Variants in PRKDC observed in about 807,000 individuals in gnomAD.
PRKDC encodes protein kinase, DNA-activated, catalytic subunit.
PRKDC carries 82 observed loss-of-function variants against 486.9 expected under a neutral mutation model. That is an observed-to-expected ratio of 0.17 (90% CI 0.14 to 0.20). The LOEUF (loss-of-function observed/expected upper bound fraction) is 0.20. Ranked by LOEUF, PRKDC falls within the 10% of genes least tolerant of loss-of-function variation. The pLI is 1.00. For missense variants in PRKDC, 4,504 were observed against 5,038.2 expected, an observed-to-expected ratio of 0.89 and a Z score of 3.21; for synonymous variants, 1,895 against 1,837.0, an observed-to-expected ratio of 1.03 and a Z score of -0.81.
In PRKDC at chr8:47,960,109, G is replaced by T; in HGVS notation, c.18C>A (p.Ala6=). The T allele has an allele frequency of 4.0e-6, 6 of 1,507,606 alleles. No homozygotes were observed. Among genetic ancestry groups the T allele is most frequent in the South Asian group, 1.2e-5 (1 of 81,904 alleles). The allele number at this position is 1,507,606 out of a possible 1,614,324, so 93.4% of individuals were successfully genotyped here. The change falls in exon 1 of 86, where the codon GCC becomes GCA. Residue 6 remains alanine (A), a synonymous_variant. Coordinates refer to ENST00000314191, the MANE Select transcript of PRKDC (RefSeq NM_006904.7). MAGSG[A]GVRCSLLRLQ... ...GCCGCAGCAGGGAGCAACGCACACC[G>T]GCTCCGGAGCCCGCCATGCCGCCGA...
rs757686230 is a variant in PRKDC, at chr8:47,820,812, A to G, written c.9243T>C (p.His3081=). The change falls in exon 66 of 86, where the codon CAT becomes CAC. Residue 3081 remains histidine (H), a synonymous_variant. Transcript: ENST00000314191. ...AAAGCAGACTCAGCTCTTGACTGTA[A>G]TGAAGCTCTAGAATCGCCTTCTGGA... ...GELQKAILEL[H]YSQELSLLYL... 2.5e-6 allele frequency: 4 copies of G among 1,613,474 alleles called. No individual in the cohort carries two copies. Among genetic ancestry groups the G allele is most frequent in the Non-Finnish European group, 3.4e-6 (4 of 1,179,578 alleles).
At chr8:47,820,140 C>T (rs1317200136) in intron 66 of PRKDC, among the ~76,000 whole-genome samples, 2 of 152,144 alleles carry the variant, frequency 1.3e-5, no homozygotes, top group African/African-American at 2.4e-5. Context: ...TGGTCAGGAG[C>T]GTTGGCTCAC....
At chr8:47,933,249 T>C (rs2090288307) in intron 15 of PRKDC, 77 bp from the exon 16 acceptor site, 6 of 1,164,906 alleles carry the variant, frequency 5.2e-6, no homozygotes, top group Non-Finnish European at 5.8e-6. Context: ...TTAAGACACA[T>C]ACACAGATGT....
At chr8:47,835,095 C>T (rs903793528) in intron 58 of PRKDC, among the ~76,000 whole-genome samples, 2 of 152,032 alleles carry the variant, frequency 1.3e-5, no homozygotes, top group African/African-American at 2.4e-5. Flanking sequence ...AAAGGAGAAA[C>T]GTTAAAGAGT....
Position 47,960,114 on chromosome 8 carries a change from C to G in PRKDC, c.13G>C (p.Gly5Arg). The stretch of plus-strand genomic sequence containing the variant: ...AGCAGGGAGCAACGCACACCGGCTC[C>G]GGAGCCCGCCATGCCGCCGAGTCCC... The part of the protein sequence containing the change: MAGS[G>R]AGVRCSLLRL... Residue 5 changes from glycine to arginine, a missense_variant, in exon 1 of 86, where the codon GGA (glycine) becomes CGA (arginine). Gly to Arg is a moderately radical substitution (Grantham distance 125, BLOSUM62 -2). Around this residue, in one of 6 missense-constraint regions of PRKDC, gnomAD observed 145 missense variants for 136.3 expected, o/e 1.06. Coordinates refer to ENST00000314191, the MANE Select transcript of PRKDC (RefSeq NM_006904.7). The G allele has an allele frequency of 6.7e-7, 1 of 1,502,986 alleles. No individual in the cohort carries two copies. Among genetic ancestry groups the G allele is most frequent in the South Asian group, 1.2e-5 (1 of 81,460 alleles). 93.1% of individuals were successfully genotyped at this position (1,502,986 alleles called of 1,614,324 possible).
intron 54 of PRKDC, among the ~76,000 whole-genome samples, chr8:47,847,685 C>A (rs1173144988): frequency 6.6e-6 from 1 of 152,046 alleles, no homozygotes; most frequent in African/African-American, 2.4e-5. Context: ...GCAAGAGATA[C>A]TATCAAGAGG....
intron 4 of PRKDC, among the ~76,000 whole-genome samples, chr8:47,954,782 A>T (rs539485839): frequency 7.2e-5 from 11 of 152,236 alleles, no homozygotes; most frequent in African/African-American, 2.2e-4. Context: ...GAGCAACCAG[A>T]AACAAAGGAA....
rs745934678 is a variant in PRKDC, at chr8:47,837,270, A to G, written c.7703T>C (p.Met2568Thr). The G allele has an allele frequency of 1.9e-6, 3 of 1,613,836 alleles. No individual in the cohort carries two copies. The highest frequency in any genetic ancestry group is 2.2e-5 in the East Asian group (1 of 44,892). The stretch of plus-strand genomic sequence containing the variant: ...CATGGGGTTTGGATAATCTGGGCTC[A>G]TGCTGGTCATTTCGAGCAGAAAATT... ...ATNFLLEMTSMSPDYPNPMFE... is the reference protein window; with the variant it reads ...ATNFLLEMTSTSPDYPNPMFE... The change falls in exon 57 of 86, where the codon ATG becomes ACG. Residue 2568 changes from methionine (M) to threonine (T), a missense_variant. Coordinates refer to ENST00000314191, the MANE Select transcript of PRKDC (RefSeq NM_006904.7).
intron 74 of PRKDC, 146 bp downstream of exon 74, chr8:47,794,144 T>C (rs1009339953): frequency 5.9e-6 from 4 of 672,628 alleles, no homozygotes; most frequent in African/African-American, 5.4e-5. Flanking sequence ...AGAATAGATA[T>C]ATTCAACAAA....
At chr8:47,959,883 T>C in intron 1 of PRKDC, 90 bp downstream of exon 1, 2 of 1,491,068 alleles carry the variant, frequency 1.3e-6, no homozygotes, top group South Asian at 1.3e-5. Flanking sequence ...AATACCGTCA[T>C]CTAAACACAG....
At position 47,859,770 on chromosome 8, in the gene PRKDC, A is replaced by G; in HGVS notation, c.6059-11T>C. 6.3e-7 allele frequency: 1 copy of G among 1,599,754 alleles called. No individual in the cohort carries two copies. The highest frequency in any genetic ancestry group is 1.1e-5 in the South Asian group (1 of 89,908). ...TATAGGAAGGACCATCTGAAATATA[A>G]AAAAGGAGAAAATTACATGTATTCA... On this transcript the variant is annotated splice_polypyrimidine_tract_variant and intron_variant, in intron 45 of 85. Coordinates refer to ENST00000314191, the MANE Select transcript of PRKDC (RefSeq NM_006904.7).
At chr8:47,893,991 G>C (rs1372493549) in intron 30 of PRKDC, among the ~76,000 whole-genome samples, 2 of 152,120 alleles carry the variant, frequency 1.3e-5, no homozygotes, top group African/African-American at 4.8e-5. Context: ...ATTAAAAACA[G>C]AACATTCAGC....
chr8:47,957,153 A>C lies in PRKDC; in HGVS notation c.324+18T>G. On this transcript the variant is annotated intron_variant, in intron 3 of 85. Coordinates refer to ENST00000314191, the MANE Select transcript of PRKDC (RefSeq NM_006904.7). ...ATGTTGATATATAATGTAATAAGGT[A>C]TGTTTTTTAATTCTTACCTTAATTT... The C allele has an allele frequency of 1.4e-6, 2 of 1,481,014 alleles. No individual in the cohort carries two copies. The highest frequency in any genetic ancestry group is 1.9e-6 in the Non-Finnish European group (2 of 1,069,076). The allele number at this position is 1,481,014 out of a possible 1,614,324, so 91.7% of individuals were successfully genotyped here. A position where few individuals can be genotyped will look rare whatever the true frequency, so the allele number is the denominator to read the frequency against.
chr8:47,904,277 CAG>C (rs753684952), intron 26 of PRKDC, among the ~76,000 whole-genome samples: 8 of 152,106 alleles, frequency 5.3e-5, no homozygotes, highest in Non-Finnish European at 1.2e-4. Flanking sequence ...GTTTTTGAGA[CAG>C]AGTCTCACTC....
chr8:47,882,134 A>T, intron 36 of PRKDC, 37 bp from the exon 37 acceptor site: 1 of 1,564,714 alleles, frequency 6.4e-7, no homozygotes, highest in Non-Finnish European at 8.7e-7. Flanking sequence ...AAAAATTCTT[A>T]ATTTTGAGAA....
At chr8:47,838,694 TCAGGA>T (rs2088079326) in intron 56 of PRKDC, among the ~76,000 whole-genome samples, 1 of 152,222 alleles carries the variant, frequency 6.6e-6, no homozygotes, top group Admixed American at 6.5e-5. Flanking sequence ...ACTGACTTAC[TCAGGA>T]CAGGCATTTT....
chr8:47,941,964 C>G (rs8178014), intron 10 of PRKDC, among the ~76,000 whole-genome samples: 1 of 152,216 alleles, frequency 6.6e-6, no homozygotes, highest in Admixed American at 6.5e-5. Context: ...AGACAACCAG[C>G]GCAGTGGAGG....
At chr8:47,885,863 G>A in intron 36 of PRKDC, 81 bp downstream of exon 36, 1 of 1,401,910 alleles carries the variant, frequency 7.1e-7, no homozygotes, top group African/African-American at 1.4e-5. Flanking sequence ...CTGCACTCCA[G>A]CCTGGGCGAA....
At chr8:47,853,520 G>A (rs931449773) in intron 51 of PRKDC, among the ~76,000 whole-genome samples, 5 of 152,042 alleles carry the variant, frequency 3.3e-5, no homozygotes, top group Non-Finnish European at 5.9e-5. Flanking sequence ...ATGATGTCCC[G>A]GAACCATCTT....
Sources: allele counts gnomAD v4.1 joint callset (sites outside exome capture counted in the v4.1 genomes callset), GRCh38; gene constraint gnomAD v4.1.1; regional missense constraint gnomAD v4.1.1; transcripts MANE v1.5; gene names NCBI Gene and HGNC (gene_info 2026-07-23, HGNC 2026-07-21).